DPYD: variants seen among roughly 807,000 people sequenced by gnomAD.
DPYD encodes the protein dihydropyrimidine dehydrogenase.
A neutral mutation model predicts 116.2 loss-of-function variants in DPYD; 109 were observed. The ratio of observed to expected loss-of-function variants is 0.94; its 90% CI spans 0.80 to 1.10. The LOEUF (loss-of-function observed/expected upper bound fraction) is 1.10, where lower values mean the gene tolerates loss of function less well. Ranked by LOEUF, DPYD falls within the 50% of genes least tolerant of loss-of-function variation. The pLI, the probability that DPYD is intolerant of heterozygous loss-of-function variation, is 0.00. For missense variants in DPYD, 1,302 were observed against 1,254.5 expected, an observed-to-expected ratio of 1.04 and a Z score of -0.57; for synonymous variants, 440 against 432.0, an observed-to-expected ratio of 1.02 and a Z score of -0.23.
At chr1:97,226,195 T>C (rs1437727200) in intron 19 of DPYD, among the ~76,000 whole-genome samples, 1 of 152,264 alleles carries the variant, frequency 6.6e-6, no homozygotes, top group Non-Finnish European at 1.5e-5. Flanking sequence ...ACATCTTTCT[T>C]AATAAAAACT....
chr1:97,558,116 T>C (rs552123691), intron 11 of DPYD, among the ~76,000 whole-genome samples: 1 of 152,318 alleles, frequency 6.6e-6, no homozygotes, highest in Admixed American at 6.5e-5. Flanking sequence ...TAGTCTTGGC[T>C]AGCTTCACAG....
chr1:97,087,043 T>C (rs1649566600), intron 21 of DPYD, among the ~76,000 whole-genome samples: 1 of 152,236 alleles, frequency 6.6e-6, no homozygotes. Flanking sequence ...TTCAGTTTGC[T>C]CTTACTGAAT....
At chr1:97,432,590 CT>C (rs1675245421) in intron 14 of DPYD, among the ~76,000 whole-genome samples, 2 of 151,910 alleles carry the variant, frequency 1.3e-5, no homozygotes, top group Admixed American at 1.3e-4. Context: ...GGGTCTGCTT[CT>C]ATGGACCACT....
chr1:97,122,622 T>C (rs1652538695), intron 20 of DPYD, among the ~76,000 whole-genome samples: 1 of 152,132 alleles, frequency 6.6e-6, no homozygotes. Flanking sequence ...ACCAATTTCA[T>C]CTTATTTCCT....
intron 20 of DPYD, among the ~76,000 whole-genome samples, chr1:97,118,029 G>A (rs1652116695): frequency 6.6e-6 from 1 of 152,132 alleles, no homozygotes; most frequent in Non-Finnish European, 1.5e-5. Context: ...TAACAGTAGA[G>A]AATTAAAGGA....
At chr1:97,683,504 T>C (rs1213966464) in intron 7 of DPYD, among the ~76,000 whole-genome samples, 1 of 151,830 alleles carries the variant, frequency 6.6e-6, no homozygotes. Context: ...CTTTGGGAAA[T>C]GACAAATATA....
intron 2 of DPYD, among the ~76,000 whole-genome samples, chr1:97,838,092 T>G (rs1295765040): frequency 6.6e-6 from 1 of 152,234 alleles, no homozygotes. Context: ...TTATTTTCTC[T>G]GGTTAAACAG....
rs181407763 is a variant in DPYD, at chr1:97,680,387, G to A, written c.763-1205C>T. Among the ~76,000 whole-genome samples, 4 of 152,258 alleles carry A rather than the reference G, an allele frequency of 2.6e-5. No individual in the cohort carries two copies. In the East Asian group the frequency reaches 7.7e-4, roughly 29 times the overall value. On this transcript the variant is annotated intron_variant, in intron 7 of 22. Transcript: ENST00000370192. ...CTGCCAACACCAGAGAATTTCTGGA[G>A]GATGACTATAAATGTCTGCAGGCTT...
At chr1:97,612,661 A>T (rs74345451) in intron 8 of DPYD, among the ~76,000 whole-genome samples, 1,993 of 152,226 alleles carry the variant, frequency 0.013, 23 homozygotes, top group Middle Eastern at 0.024. Context: ...TTTATTAAGC[A>T]GCAAATAATA....
rs74775410 is a variant in DPYD at position 97,605,304 on chromosome 1, C to G, written c.851-10138G>C. Among the ~76,000 whole-genome samples, 1,386 of 151,960 alleles carry G rather than the reference C, an allele frequency of 9.1e-3. 20 individuals are homozygous for G. The highest frequency in any genetic ancestry group is 0.031 in the African/African-American group (1,279 of 41,444). On this transcript the variant is annotated intron_variant, in intron 8 of 22. Coordinates refer to ENST00000370192, the MANE Select transcript of DPYD (RefSeq NM_000110.4). The stretch of plus-strand genomic sequence containing the variant: ...ATCTTGAATTGTAATCTCTGTAATC[C>G]CCATTAATTCTCACATGTTGTGGGA...
chr1:97,703,529 C>T (rs1194545319), intron 5 of DPYD, among the ~76,000 whole-genome samples: 2 of 151,902 alleles, frequency 1.3e-5, no homozygotes, highest in Non-Finnish European at 2.9e-5. Context: ...GTTCAAATTC[C>T]ATGAGACAGA....
chr1:97,687,309 G>A (rs182895500), intron 7 of DPYD, among the ~76,000 whole-genome samples: 108 of 151,924 alleles, frequency 7.1e-4, no homozygotes, highest in African/African-American at 2.3e-3. Flanking sequence ...AAAAACTTAC[G>A]TAAAGGACAT....
intron 19 of DPYD, among the ~76,000 whole-genome samples, chr1:97,206,588 C>T (rs1659615733): frequency 7.1e-6 from 1 of 141,112 alleles, no homozygotes; most frequent in Admixed American, 7.5e-5. Flanking sequence ...GCTTTCTGTT[C>T]TGACCACTAC....
chr1:97,740,538 T>TC, intron 3 of DPYD, 59 bp from the exon 4 acceptor site: 1 of 1,382,482 alleles, frequency 7.2e-7, no homozygotes, highest in Non-Finnish European at 1.0e-6. Context: ...ATCTATTTTC[T>TC]ACCTTATACT....
At chr1:97,615,616 T>G (rs1259497561) in intron 8 of DPYD, among the ~76,000 whole-genome samples, 1 of 152,128 alleles carries the variant, frequency 6.6e-6, no homozygotes, top group African/African-American at 2.4e-5. Context: ...GCCCTTATCT[T>G]TTCTATCCTG....
At chr1:97,401,942 G>T (rs1277463272) in intron 14 of DPYD, among the ~76,000 whole-genome samples, 5 of 151,990 alleles carry the variant, frequency 3.3e-5, no homozygotes. Flanking sequence ...TTAATTATGT[G>T]GGTCTATTTC....
At chr1:97,705,008 T>C (rs548235484) in intron 5 of DPYD, among the ~76,000 whole-genome samples, 3 of 152,200 alleles carry the variant, frequency 2.0e-5, no homozygotes, top group East Asian at 1.9e-4. Flanking sequence ...CTCTATCATT[T>C]AGTCTTCAAC....
intron 16 of DPYD, among the ~76,000 whole-genome samples, chr1:97,339,536 T>C (rs1669486852): frequency 6.6e-6 from 1 of 152,222 alleles, no homozygotes; most frequent in Non-Finnish European, 1.5e-5. Context: ...AATAATCAAA[T>C]GTTAAGAAAA....
At chr1:97,790,994 T>A (rs1366762539) in intron 3 of DPYD, among the ~76,000 whole-genome samples, 1 of 152,204 alleles carries the variant, frequency 6.6e-6, no homozygotes, top group Non-Finnish European at 1.5e-5. Context: ...CTTTATTAAT[T>A]TTTACATATT....
Sources: gnomAD v4.1 joint callset for allele counts (sites outside exome capture counted in the v4.1 genomes callset) on GRCh38, gnomAD v4.1.1 for gene constraint, MANE v1.5 for transcripts, NCBI Gene and HGNC (gene_info 2026-07-23, HGNC 2026-07-21) for gene names.